NXPE2: variants seen among roughly 807,000 people sequenced by gnomAD.
NXPE2 encodes NXPE family member 2.
A neutral mutation model predicts 34.4 loss-of-function variants in NXPE2; 34 were observed. The observed-to-expected ratio is 0.99, with a 90% CI of 0.75 to 1.31. NXPE2 has a LOEUF of 1.31. Among genes scored for constraint, NXPE2 ranks in the 40% most tolerant of loss-of-function variants. The probability of loss-of-function intolerance (pLI) is 0.00; values close to 1 mark genes in which losing one functional copy is unlikely to be tolerated. For missense variants in NXPE2, 649 were observed against 672.5 expected, an observed-to-expected ratio of 0.97 and a Z score of 0.39; for synonymous variants, 235 against 231.3, an observed-to-expected ratio of 1.02 and a Z score of -0.15.
At chr11:114,556,085 G>A in the NXPE2 span, among the ~76,000 whole-genome samples, 171 of 152,306 alleles carry the variant, frequency 1.1e-3, no homozygotes, top group Non-Finnish European at 4.3e-4. Flanking sequence ...TCTACAAAAA[G>A]CCTACTGGAA....
the NXPE2 span, among the ~76,000 whole-genome samples, chr11:114,578,372 G>T: frequency 6.6e-6 from 1 of 152,170 alleles, no homozygotes; most frequent in African/African-American, 2.4e-5. Flanking sequence ...GAGTCGAAGA[G>T]GGTAGGTAAC....
At chr11:114,687,372 C>T (rs1951067704) in intron 2 of NXPE2, among the ~76,000 whole-genome samples, 1 of 152,018 alleles carries the variant, frequency 6.6e-6, no homozygotes, top group African/African-American at 2.4e-5. Context: ...AATACGTTAT[C>T]CTTTCCCCAG....
chr11:114,489,605 A>G, the NXPE2 span, among the ~76,000 whole-genome samples: 5 of 152,334 alleles, frequency 3.3e-5, no homozygotes, highest in African/African-American at 1.2e-4. Flanking sequence ...AAAGACAAAA[A>G]CCACATGATT....
the NXPE2 span, among the ~76,000 whole-genome samples, chr11:114,557,634 CATATATATATATATATATAT>C: frequency 0.01 from 1,311 of 128,426 alleles, 19 homozygotes; most frequent in African/African-American, 0.027. Context: ...ATATATAATA[CATATATATATATATATATAT>C]ATATATATAT....
chr11:114,690,902 C>A (rs11215153), intron 2 of NXPE2, among the ~76,000 whole-genome samples: 36,501 of 151,648 alleles, frequency 0.24, 4,538 homozygotes, highest in East Asian at 0.42. Context: ...TTTAAAATTC[C>A]TATAGTCAAT....
At chr11:114,583,191 A>G in the NXPE2 span, 29 of 790,246 alleles carry the variant, frequency 3.7e-5, no homozygotes, top group Non-Finnish European at 5.6e-5. Flanking sequence ...AAATTCTCCA[A>G]TAAAAAGGCA....
At chr11:114,650,482 G>A in the NXPE2 span, among the ~76,000 whole-genome samples, 1 of 152,174 alleles carries the variant, frequency 6.6e-6, no homozygotes, top group African/African-American at 2.4e-5. Flanking sequence ...ATTGGCAGCA[G>A]CTAGGGGATG....
At chr11:114,789,646 GA>G in the NXPE2 span, among the ~76,000 whole-genome samples, 1 of 152,176 alleles carries the variant, frequency 6.6e-6, no homozygotes, top group Admixed American at 6.5e-5. Context: ...AGTGGGATGG[GA>G]AAAGAGGGTT....
chr11:114,696,352 A>C (rs1951254674), intron 2 of NXPE2, among the ~76,000 whole-genome samples: 1 of 148,260 alleles, frequency 6.7e-6, no homozygotes, highest in African/African-American at 2.4e-5. Flanking sequence ...AAAAAAAAAA[A>C]AAAAAAAGAA....
the NXPE2 span, among the ~76,000 whole-genome samples, chr11:114,770,478 G>A: frequency 2.6e-5 from 4 of 152,344 alleles, no homozygotes; most frequent in African/African-American, 9.6e-5. Context: ...GTAAAATAAA[G>A]CATCACTGTT....
chr11:114,800,872 A>T, the NXPE2 span, among the ~76,000 whole-genome samples: 1 of 152,216 alleles, frequency 6.6e-6, no homozygotes, highest in Admixed American at 6.5e-5. Context: ...TGCTCAATAA[A>T]CAAGTATCAT....
At chr11:114,641,765 A>T in the NXPE2 span, among the ~76,000 whole-genome samples, 1 of 152,122 alleles carries the variant, frequency 6.6e-6, no homozygotes, top group African/African-American at 2.4e-5. Flanking sequence ...ACATTTGATC[A>T]AGGGGAAAAG....
At chr11:114,600,152 C>T in the NXPE2 span, among the ~76,000 whole-genome samples, 1 of 151,924 alleles carries the variant, frequency 6.6e-6, no homozygotes, top group Non-Finnish European at 1.5e-5. Flanking sequence ...AGTTTATTTC[C>T]ACCAATATAT....
At chr11:114,582,762 A>T in the NXPE2 span, 1 of 1,614,084 alleles carries the variant, frequency 6.2e-7, no homozygotes, top group Non-Finnish European at 8.5e-7. Context: ...CTCCAGCAGG[A>T]TGTGCAGCTG....
chr11:114,791,260 C>T, the NXPE2 span, among the ~76,000 whole-genome samples: 1 of 151,940 alleles, frequency 6.6e-6, no homozygotes, highest in African/African-American at 2.4e-5. Flanking sequence ...CTTACAGACT[C>T]TTTAAAATGC....
the NXPE2 span, chr11:114,594,856 G>T: frequency 2.8e-6 from 2 of 713,940 alleles, no homozygotes; most frequent in Non-Finnish European, 4.8e-6. Context: ...AAATTTTTTT[G>T]GCTCATGATT....
At chr11:114,806,566 C>T in the NXPE2 span, among the ~76,000 whole-genome samples, 19 of 151,948 alleles carry the variant, frequency 1.3e-4, no homozygotes, top group African/African-American at 2.7e-4. Context: ...CCTCAGTAGC[C>T]GATGCGATCA....
chr11:114,736,741 T>C, the NXPE2 span, among the ~76,000 whole-genome samples: 2 of 152,190 alleles, frequency 1.3e-5, no homozygotes, highest in East Asian at 3.8e-4. Context: ...TAAGTGTCCA[T>C]GAAATCTTCA....
chr11:114,575,099 T>A, the NXPE2 span, among the ~76,000 whole-genome samples: 1 of 152,096 alleles, frequency 6.6e-6, no homozygotes. Context: ...AATCACATCA[T>A]CGTCTCAGCA....
Sources: gnomAD v4.1 joint callset for allele counts (sites outside exome capture counted in the v4.1 genomes callset) on GRCh38, gnomAD v4.1.1 for gene constraint, MANE v1.5 for transcripts, NCBI Gene and HGNC (gene_info 2026-07-23, HGNC 2026-07-21) for gene names.